Variants in GPHN observed in about 807,000 individuals in gnomAD.
GPHN encodes the protein gephyrin.
A neutral mutation model predicts 95.5 loss-of-function variants in GPHN; 17 were observed. The ratio of observed to expected loss-of-function variants is 0.18; its 90% CI spans 0.12 to 0.27. The LOEUF (loss-of-function observed/expected upper bound fraction) is 0.27. Among genes scored for constraint, GPHN ranks in the 10% least tolerant of loss-of-function variants. GPHN has a pLI of 1.00. For synonymous variants in GPHN, 320 were observed against 322.5 expected, an observed-to-expected ratio of 0.99 and a Z score of 0.08; for missense variants, 660 against 978.1, an observed-to-expected ratio of 0.67 and a Z score of 4.34.
the GPHN span, among the ~76,000 whole-genome samples, chr14:67,285,366 A>ATTTTTT: frequency 7.3e-6 from 1 of 137,854 alleles, no homozygotes; most frequent in Admixed American, 7.4e-5. Context: ...CCTTAGGTAA[A>ATTTTTT]TTTTTTTTTT....
chr14:66,653,255 G>A (rs185272812), intron 1 of GPHN, among the ~76,000 whole-genome samples: 1 of 152,224 alleles, frequency 6.6e-6, no homozygotes. Context: ...AGTGGGAGAG[G>A]CACTTTCTGG....
At chr14:66,587,306 A>G (rs904351043) in intron 1 of GPHN, among the ~76,000 whole-genome samples, 3 of 152,210 alleles carry the variant, frequency 2.0e-5, no homozygotes, top group African/African-American at 7.2e-5. Context: ...AAACATTTAA[A>G]GAAGAAGTAA....
At chr14:67,022,630 G>T (rs2073717216) in intron 9 of GPHN, among the ~76,000 whole-genome samples, 1 of 110,064 alleles carries the variant, frequency 9.1e-6, no homozygotes, top group Non-Finnish European at 1.8e-5. Flanking sequence ...GTATGTTTGT[G>T]ACTTTTTTAT....
chr14:66,798,747 A>G (rs2060244280), intron 3 of GPHN, among the ~76,000 whole-genome samples: 1 of 149,190 alleles, frequency 6.7e-6, no homozygotes. Context: ...ATATTGTTTA[A>G]TTTTTCAAAA....
the GPHN span, among the ~76,000 whole-genome samples, chr14:67,493,230 G>C: frequency 1.3e-5 from 2 of 152,288 alleles, no homozygotes; most frequent in East Asian, 3.9e-4. Context: ...TATTCTGAAA[G>C]TAATCTTACC....
the GPHN span, among the ~76,000 whole-genome samples, chr14:67,549,340 A>C: frequency 1.3e-5 from 2 of 150,864 alleles, no homozygotes; most frequent in Non-Finnish European, 2.9e-5. Context: ...GTGTGATCTC[A>C]GCTCACTGCA....
chr14:66,625,474 A>G (rs1025779314), intron 1 of GPHN, among the ~76,000 whole-genome samples: 22 of 152,102 alleles, frequency 1.4e-4, no homozygotes, highest in African/African-American at 5.1e-4. Flanking sequence ...TTTGGATGTT[A>G]GAGTTTCTCA....
At chr14:67,124,452 G>C (rs909481516) in intron 17 of GPHN, among the ~76,000 whole-genome samples, 9 of 152,124 alleles carry the variant, frequency 5.9e-5, no homozygotes, top group African/African-American at 1.7e-4. Context: ...AGGAAGGAAA[G>C]GGGGGAAAAA....
chr14:67,120,262 A>G (rs564602471), intron 16 of GPHN, among the ~76,000 whole-genome samples: 29 of 152,314 alleles, frequency 1.9e-4, no homozygotes, highest in African/African-American at 6.7e-4. Context: ...TTGAAACTGT[A>G]ATAAATTTCA....
At chr14:67,202,383 G>A in the GPHN span, among the ~76,000 whole-genome samples, 1 of 152,138 alleles carries the variant, frequency 6.6e-6, no homozygotes, top group Non-Finnish European at 1.5e-5. Flanking sequence ...AGAGGTTGTA[G>A]TAAGCCGAGA....
chr14:67,063,730 T>C (rs2075918846), intron 11 of GPHN, among the ~76,000 whole-genome samples: 1 of 152,202 alleles, frequency 6.6e-6, no homozygotes, highest in African/African-American at 2.4e-5. Context: ...TGGCTCTCCA[T>C]GTGTCTGTTA....
the GPHN span, chr14:67,589,671 TC>T: frequency 1.0e-6 from 1 of 990,902 alleles, no homozygotes; most frequent in East Asian, 1.1e-4. Flanking sequence ...CTTGTTTTTT[TC>T]GTAACTTTAC....
intron 2 of GPHN, among the ~76,000 whole-genome samples, chr14:66,772,639 CTA>C (rs1487280695): frequency 3.9e-5 from 6 of 152,168 alleles, no homozygotes; most frequent in African/African-American, 1.2e-4. Context: ...ACGTTTAGCA[CTA>C]TTTCTTCCTG....
intron 13 of GPHN, among the ~76,000 whole-genome samples, chr14:67,101,845 A>G (rs1388804056): frequency 7.0e-6 from 1 of 142,356 alleles, no homozygotes; most frequent in Admixed American, 7.1e-5. Context: ...TCATTGGTTT[A>G]TGTATTATTT....
intron 1 of GPHN, among the ~76,000 whole-genome samples, chr14:66,555,367 G>A (rs193135353): frequency 2.4e-4 from 36 of 152,236 alleles, no homozygotes; most frequent in African/African-American, 7.0e-4. Context: ...ATAGGCAAAT[G>A]AAGTGAATAT....
At chr14:67,356,240 T>C in the GPHN span, among the ~76,000 whole-genome samples, 1 of 151,844 alleles carries the variant, frequency 6.6e-6, no homozygotes, top group African/African-American at 2.4e-5. Flanking sequence ...GCCAACATAG[T>C]GAAACCCCAT....
At position 66,508,378 on chromosome 14, in the gene GPHN, C is replaced by T. The variant is rs1038477518; in HGVS notation, c.-150C>T. 1 of 768,034 alleles carries T rather than the reference C, an allele frequency of 1.3e-6. No individual in the cohort carries two copies. Among genetic ancestry groups the T allele is most frequent in the Non-Finnish European group, 2.3e-6 (1 of 431,962 alleles). The allele number at this position is 768,034 out of a possible 1,614,324, so 47.6% of individuals were successfully genotyped here. ...TCTCCCCCACGCAGGCCACCGTGCA[C>T]TCTGTGGCCTCCCCCTCCTTCCCCG... On this transcript the variant is annotated 5_prime_UTR_variant, in exon 1 of 23. Coordinates refer to ENST00000478722, the MANE Select transcript of GPHN (RefSeq NM_020806.5).
chr14:67,716,070 G>T, the GPHN span, among the ~76,000 whole-genome samples: 5 of 152,054 alleles, frequency 3.3e-5, no homozygotes, highest in Non-Finnish European at 7.4e-5. Flanking sequence ...GGTAGCCGGT[G>T]CCTGTAGTCC....
chr14:67,426,807 T>G, the GPHN span, among the ~76,000 whole-genome samples: 7 of 152,294 alleles, frequency 4.6e-5, no homozygotes, highest in African/African-American at 7.2e-5. Flanking sequence ...ACTCCTGACC[T>G]CAGGTGATCC....
Sources: gnomAD v4.1 joint callset for allele counts (sites outside exome capture counted in the v4.1 genomes callset) on GRCh38, gnomAD v4.1.1 for gene constraint, MANE v1.5 for transcripts, NCBI Gene and HGNC (gene_info 2026-07-23, HGNC 2026-07-21) for gene names.